OPCML: variants seen among roughly 807,000 people sequenced by gnomAD.
OPCML encodes the protein opioid-binding protein/cell adhesion molecule.
In OPCML, 13 loss-of-function variants were observed where a neutral mutation model predicts 37.8. The ratio of observed to expected loss-of-function variants is 0.34; its 90% CI spans 0.22 to 0.55. The LOEUF is 0.55. Among genes scored for constraint, OPCML ranks in the 20% least tolerant of loss-of-function variants. The pLI is 0.91. For missense variants in OPCML, 341 were observed against 435.6 expected, an observed-to-expected ratio of 0.78 and a Z score of 1.93; for synonymous variants, 176 against 168.8, an observed-to-expected ratio of 1.04 and a Z score of -0.33.
chr11:133,150,001 C>T (rs1949954985), intron 1 of OPCML, among the ~76,000 whole-genome samples: 1 of 152,214 alleles, frequency 6.6e-6, no homozygotes, highest in Non-Finnish European at 1.5e-5. Context: ...CCGTCCCTGC[C>T]TACAGAGGGC....
At chr11:132,966,798 A>ATC (rs1942792616) in intron 1 of OPCML, among the ~76,000 whole-genome samples, 1 of 152,068 alleles carries the variant, frequency 6.6e-6, no homozygotes, top group African/African-American at 2.4e-5. Context: ...TATCATAGTA[A>ATC]AATGTCCTTC....
chr11:132,836,801 A>G (rs1453736873), intron 2 of OPCML, among the ~76,000 whole-genome samples: 1 of 152,164 alleles, frequency 6.6e-6, no homozygotes, highest in Non-Finnish European at 1.5e-5. Context: ...GAAAATCTAG[A>G]CCACGGAAAA....
At chr11:133,357,030 A>T (rs1382684900) in intron 1 of OPCML, among the ~76,000 whole-genome samples, 1 of 152,220 alleles carries the variant, frequency 6.6e-6, no homozygotes, top group Non-Finnish European at 1.5e-5. Context: ...AAAGTAGGTT[A>T]TATACTTGAA....
At chr11:132,619,299 A>G (rs1392437915) in intron 3 of OPCML, among the ~76,000 whole-genome samples, 1 of 152,196 alleles carries the variant, frequency 6.6e-6, no homozygotes, top group African/African-American at 2.4e-5. Flanking sequence ...GCATTACTAC[A>G]TATATCTTCC....
chr11:133,308,787 T>C (rs1942996799), intron 1 of OPCML, among the ~76,000 whole-genome samples: 1 of 152,194 alleles, frequency 6.6e-6, no homozygotes, highest in Non-Finnish European at 1.5e-5. Flanking sequence ...TGTGAGTCTG[T>C]AGCACATTTT....
At chr11:132,735,182 A>G (rs1206762514) in intron 2 of OPCML, among the ~76,000 whole-genome samples, 3 of 152,210 alleles carry the variant, frequency 2.0e-5, no homozygotes, top group Admixed American at 1.3e-4. Context: ...AAAATTTTAA[A>G]AAATAGCTTC....
At chr11:133,518,847 A>G (rs6590718) in intron 1 of OPCML, among the ~76,000 whole-genome samples, 61,639 of 146,028 alleles carry the variant, frequency 0.42, 17,151 homozygotes, top group African/African-American at 0.81. Flanking sequence ...TGTGGCAGCC[A>G]CTGTCCATGC....
chr11:133,464,246 A>T (rs1239436178), intron 1 of OPCML, among the ~76,000 whole-genome samples: 1 of 152,168 alleles, frequency 6.6e-6, no homozygotes, highest in East Asian at 1.9e-4. Flanking sequence ...AACCACCCAA[A>T]GCCCTTGCCA....
At chr11:133,301,428 G>C (rs1051558024) in intron 1 of OPCML, 1 of 152,158 alleles carries the variant, frequency 6.6e-6, no homozygotes, top group African/African-American at 2.4e-5. Flanking sequence ...TAAAGATGAG[G>C]TTTTCAATTT....
rs137976150 is a variant in OPCML, at chr11:132,993,501, C to G, written c.62-50491G>C. On this transcript the variant is annotated intron_variant, in intron 1 of 7. Transcript: ENST00000524381. ...TTGCTAACCACCGTTGAGATGCCAG[C>G]AGGCGTGGCTGACCCTCCATGAATG... is the stretch of plus-strand genomic sequence containing the variant. 3.2e-4 allele frequency among the ~76,000 whole-genome samples: 48 copies of G among 152,312 alleles called. No homozygotes were observed. The East Asian group carries it at 8.7e-3, about 28-fold the overall frequency.
intron 1 of OPCML, among the ~76,000 whole-genome samples, chr11:133,407,265 G>T (rs1392631735): frequency 6.6e-6 from 1 of 152,136 alleles, no homozygotes; most frequent in Non-Finnish European, 1.5e-5. Flanking sequence ...TAGAATTAAT[G>T]CCCAATATTA....
intron 1 of OPCML, among the ~76,000 whole-genome samples, chr11:133,485,156 T>TA (rs1159792484): frequency 6.6e-6 from 1 of 152,050 alleles, no homozygotes; most frequent in Non-Finnish European, 1.5e-5. Flanking sequence ...ACACTTCATT[T>TA]AAAAATGAAA....
At chr11:132,883,945 T>C (rs1193677041) in intron 2 of OPCML, among the ~76,000 whole-genome samples, 1 of 152,092 alleles carries the variant, frequency 6.6e-6, no homozygotes, top group Non-Finnish European at 1.5e-5. Context: ...ACATAATGTG[T>C]TTGGACTTAG....
intron 1 of OPCML, among the ~76,000 whole-genome samples, chr11:133,259,403 CTGAGT>C (rs1394148945): frequency 6.6e-6 from 1 of 152,082 alleles, no homozygotes; most frequent in Non-Finnish European, 1.5e-5. Context: ...TTGTAACTGG[CTGAGT>C]TAAGATTTGT....
intron 2 of OPCML, among the ~76,000 whole-genome samples, chr11:132,932,463 CA>C (rs1458620434): frequency 6.6e-6 from 1 of 151,982 alleles, no homozygotes; most frequent in Non-Finnish European, 1.5e-5. Flanking sequence ...TTACTTTAAG[CA>C]GATTTCGTTT....
At chr11:132,704,041 T>C (rs116807275) in intron 2 of OPCML, among the ~76,000 whole-genome samples, 3,072 of 152,240 alleles carry the variant, frequency 0.02, 77 homozygotes, top group South Asian at 0.06. Flanking sequence ...TTTGGTTGGT[T>C]TTTTTGCAGT....
chr11:133,007,583 AC>A lies in OPCML; in HGVS notation c.62-64574del, dbSNP rs1285960260. 3.0e-6 allele frequency: 3 copies of A among 984,972 alleles called. No homozygotes were observed. In the African/African-American group the frequency reaches 5.3e-5, roughly 17 times the overall value. 61.0% of individuals were successfully genotyped at this position (984,972 alleles called of 1,614,324 possible). On this transcript the variant is annotated intron_variant, in intron 1 of 7. Transcript: ENST00000524381. The stretch of plus-strand genomic sequence containing the variant: ...TGAGCCTTCAGAGGTAAAACTTAAA[AC>A]TCTAGAATTGCTTGTAGAAGCTGGG...
At chr11:132,817,245 G>A (rs959994256) in intron 2 of OPCML, 6 of 152,216 alleles carry the variant, frequency 3.9e-5, no homozygotes, top group African/African-American at 1.4e-4. Flanking sequence ...ACTGGGGTGG[G>A]GGTGTTGCTT....
intron 2 of OPCML, among the ~76,000 whole-genome samples, chr11:132,849,857 C>T (rs1359264828): frequency 6.6e-6 from 1 of 152,188 alleles, no homozygotes; most frequent in African/African-American, 2.4e-5. Flanking sequence ...TTGTGCCAGT[C>T]CTCATGGGCC....
Sources: gnomAD v4.1 joint callset for allele counts (sites outside exome capture counted in the v4.1 genomes callset) on GRCh38, gnomAD v4.1.1 for gene constraint, MANE v1.5 for transcripts, NCBI Gene and HGNC (gene_info 2026-07-23, HGNC 2026-07-21) for gene names.